Variants in LRP2 observed in about 807,000 individuals in gnomAD.
LRP2 encodes low-density lipoprotein receptor-related protein 2.
Under a neutral mutation model 531.0 loss-of-function variants are expected in LRP2, and 172 were observed. The observed-to-expected ratio is 0.32, with a 90% confidence interval of 0.29 to 0.37. The LOEUF is 0.37. LRP2 is among the 10% of genes least tolerant of loss of function. The pLI, the probability that LRP2 is intolerant of heterozygous loss-of-function variation, is 1.00. For missense variants in LRP2, 5,167 were observed against 5,868.3 expected (o/e 0.88, Z 3.90); for synonymous variants, 1,992 against 2,027.6 (o/e 0.98, Z 0.47).
intron 61 of LRP2, among the ~76,000 whole-genome samples, chr2:169,167,317 A>T (rs1686820932): frequency 6.6e-6 from 1 of 152,200 alleles, no homozygotes; most frequent in South Asian, 2.1e-4. Flanking sequence ...ACAAAATACT[A>T]AGATATATCA....
chr2:169,241,193 G>A lies in LRP2; in HGVS notation c.3840C>T (p.Asn1280=), dbSNP rs767886006. 2.7e-5 allele frequency: 44 copies of A among 1,614,022 alleles called. No homozygotes were observed. Among genetic ancestry groups the A allele is most frequent in the Admixed American group, 3.3e-5 (2 of 59,988 alleles). ...TCPSSYFHCD[N]GNCIHRAWLC... is the part of the protein sequence containing the mutation. ...GCCATGCCCTGTGGATGCAGTTTCC[G>A]TTGTCACAGTGGAAATATGATGAAG... Residue 1280 remains asparagine, a synonymous_variant, in exon 25 of 79, where the codon AAC becomes AAT. Coordinates refer to ENST00000649046, the MANE Select transcript of LRP2 (RefSeq NM_004525.3).
chr2:169,204,083 G>T lies in LRP2; in HGVS notation c.7904C>A (p.Ser2635Tyr). 1 of 1,614,152 alleles carries T rather than the reference G, an allele frequency of 6.2e-7. No homozygotes were observed. Among genetic ancestry groups the T allele is most frequent in the African/African-American group, 1.3e-5 (1 of 75,036 alleles). ...AACAGTGTTGATTCCCCTGGGCTGG[G>T]AGAGCAAATTTGTGGTCATTGCAAT... ...GQIAMTTNLL[S>Y]QPRGINTVVK... Residue 2635 changes from serine (S) to tyrosine (Y), a missense_variant, in exon 42 of 79, where the codon TCC becomes TAC. Coordinates refer to ENST00000649046, the MANE Select transcript of LRP2 (RefSeq NM_004525.3).
chr2:169,357,608 G>A (rs953936633), intron 1 of LRP2, among the ~76,000 whole-genome samples: 2 of 151,930 alleles, frequency 1.3e-5, no homozygotes, highest in Non-Finnish European at 2.9e-5. Flanking sequence ...GGGATTACAG[G>A]CATGAGCCCC....
chr2:169,138,557 C>A lies in LRP2; in HGVS notation c.13518+20G>T. 1 of 1,612,820 alleles carries A rather than the reference C, an allele frequency of 6.2e-7. No individual in the cohort carries two copies. The highest frequency in any genetic ancestry group is 1.1e-5 in the South Asian group (1 of 90,988). ...CTATAAATGACAACCTTCAAATAAT[C>A]ATTTTGAAACCATACTCACCATTGC... is the stretch of plus-strand genomic sequence containing the variant. On this transcript the variant is annotated intron_variant, in intron 75 of 78. Transcript: ENST00000649046.
chr2:169,128,767 T>C lies in LRP2; in HGVS notation c.13864A>G (p.Lys4622Glu). The C allele has an allele frequency of 6.2e-7, 1 of 1,614,158 alleles. No individual in the cohort carries two copies. Among genetic ancestry groups the C allele is most frequent in the Non-Finnish European group, 8.5e-7 (1 of 1,180,014 alleles). Residue 4622 changes from lysine to glutamate, a missense_variant, in exon 79 of 79, where the codon AAG (lysine) becomes GAG (glutamate). Physicochemically the swap from Lys to Glu is moderately conservative, Grantham distance 56. Around this residue, in one of 6 missense-constraint regions of LRP2, gnomAD observed 348 missense variants for 369.3 expected, o/e 0.94. Coordinates refer to ENST00000649046, the MANE Select transcript of LRP2 (RefSeq NM_004525.3). ...TPPPSPSLPA[K>E]PKPPSRRDPT... Reference sequence around the variant, plus strand: ...TCTCTTCTCGAAGGAGGCTTAGGCTTAGCAGGGAGCGAAGGTGATGGAGGT... The same window carrying C: ...TCTCTTCTCGAAGGAGGCTTAGGCTCAGCAGGGAGCGAAGGTGATGGAGGT...
At chr2:169,162,861 T>C (rs757361213) in intron 62 of LRP2, among the ~76,000 whole-genome samples, 4 of 152,204 alleles carry the variant, frequency 2.6e-5, no homozygotes, top group Admixed American at 6.5e-5. Context: ...TGCAGCAACC[T>C]TGGAAGCCAT....
chr2:169,185,037 A>G (rs911537457), intron 50 of LRP2, among the ~76,000 whole-genome samples: 4 of 152,130 alleles, frequency 2.6e-5, no homozygotes, highest in African/African-American at 9.7e-5. Flanking sequence ...CTGAGATTAC[A>G]GGCGTGAGCC....
chr2:169,354,173 A>G (rs777304174), intron 1 of LRP2, among the ~76,000 whole-genome samples: 2 of 152,222 alleles, frequency 1.3e-5, no homozygotes, highest in African/African-American at 2.4e-5. Context: ...CCAGCATAAC[A>G]GAAGTGTAGC....
intron 19 of LRP2, among the ~76,000 whole-genome samples, chr2:169,255,085 T>G (rs1690250287): frequency 6.6e-6 from 1 of 152,114 alleles, no homozygotes; most frequent in African/African-American, 2.4e-5. Flanking sequence ...TTATAGTGAG[T>G]GTCTAGTCTT....
At chr2:169,288,266 T>G (rs1574223143) in intron 9 of LRP2, among the ~76,000 whole-genome samples, 1 of 152,248 alleles carries the variant, frequency 6.6e-6, no homozygotes, top group East Asian at 1.9e-4. Flanking sequence ...AATTCTCCCA[T>G]CATAAGGCCC....
At position 169,235,850 on chromosome 2, in the gene LRP2, G is replaced by T; in HGVS notation, c.4910C>A (p.Ala1637Asp). The T allele has an allele frequency of 6.2e-7, 1 of 1,613,612 alleles. No individual in the cohort carries two copies. ...TCACCACCAACTTACCAAATCACTG[G>T]CTATCACCTGTCTCCGATGGTGTCC... is the stretch of plus-strand genomic sequence containing the variant. Reference protein sequence around the residue: ...YNGHHRRQVIASDLIIRHPYA... With the variant: ...YNGHHRRQVIDSDLIIRHPYA... The change falls in exon 29 of 79, where the codon GCC becomes GAC. Residue 1637 changes from alanine (A) to aspartate (D), a missense_variant. Physicochemically the swap from Ala to Asp is moderately radical, Grantham distance 126 (BLOSUM62 -2). Coordinates refer to ENST00000649046, the MANE Select transcript of LRP2 (RefSeq NM_004525.3).
intron 44 of LRP2, 24 bp downstream of exon 44, chr2:169,201,604 A>C: frequency 6.2e-7 from 1 of 1,614,130 alleles, no homozygotes; most frequent in Non-Finnish European, 8.5e-7. Context: ...CCAAAATCAC[A>C]ATAAGCACTT....
chr2:169,235,942 GTCAA>G lies in LRP2; in HGVS notation c.4814_4817del (p.Ile1605ThrfsTer30). Reference sequence around the variant, plus strand: ...TGAAGTAGAGCAGTCTGTTGGGGTAGTCAATAGTTAAGCCGCAGGGCCAGAAGAT... The same window carrying G: ...TGAAGTAGAGCAGTCTGTTGGGGTAGTAGTTAAGCCGCAGGGCCAGAAGAT... On this transcript the variant is annotated frameshift_variant, in exon 29 of 79. Transcript: ENST00000649046. LOFTEE classifies it high-confidence loss of function. The G allele has an allele frequency of 6.2e-7, 1 of 1,614,178 alleles. No individual in the cohort carries two copies. The highest frequency in any genetic ancestry group is 8.5e-7 in the Non-Finnish European group (1 of 1,180,024).
At chr2:169,247,094 A>C in intron 20 of LRP2, 108 bp from the exon 21 acceptor site, 1 of 1,308,312 alleles carries the variant, frequency 7.6e-7, no homozygotes, top group Non-Finnish European at 1.1e-6. Context: ...TTTCAGACCC[A>C]ATACTAAAAA....
chr2:169,306,234 C>T (rs1684414227), intron 4 of LRP2, among the ~76,000 whole-genome samples: 1 of 151,966 alleles, frequency 6.6e-6, no homozygotes, highest in Admixed American at 6.6e-5. Context: ...CTTGTAAGAA[C>T]TTTTCAGAGA....
In LRP2 at chr2:169,207,268, G is replaced by C. The variant is rs769916394; in HGVS notation, c.6470-18C>G. On this transcript the variant is annotated intron_variant, in intron 38 of 78. Coordinates refer to ENST00000649046, the MANE Select transcript of LRP2 (RefSeq NM_004525.3). Reference sequence around the variant, plus strand: ...AAGATTTCCTATGGGAAAAATGAAAGTGCATGCTGATCAATGGAGAACCAA... The same window carrying C: ...AAGATTTCCTATGGGAAAAATGAAACTGCATGCTGATCAATGGAGAACCAA... 1 of 1,573,400 alleles carries C rather than the reference G, an allele frequency of 6.4e-7. No individual in the cohort carries two copies. The highest frequency in any genetic ancestry group is 1.3e-5 in the African/African-American group (1 of 74,264).
intron 16 of LRP2, among the ~76,000 whole-genome samples, chr2:169,260,002 A>G (rs1358600366): frequency 6.6e-6 from 1 of 152,152 alleles, no homozygotes; most frequent in Admixed American, 6.6e-5. Flanking sequence ...ATCACAGCTT[A>G]GATTAAATGA....
Position 169,316,141 on chromosome 2 carries a change from C to CAAA in LRP2, c.310+2618_310+2620dup, listed in dbSNP as rs34270545. Among the ~76,000 whole-genome samples, 164 of 128,650 alleles carry CAAA rather than the reference C, an allele frequency of 1.3e-3. 1 individual carries two copies. The highest frequency in any genetic ancestry group is 6.9e-3 in the East Asian group (31 of 4,470). The allele number at this position is 128,650 out of a possible 152,430, so 84.4% of individuals were successfully genotyped here. ...TGGGCAACAGAGCAAGACCCTGTCTCAAAAAAAAAAAAAATCTGTCCTTGC... is the reference window on the plus strand; with the variant it reads ...TGGGCAACAGAGCAAGACCCTGTCTCAAAAAAAAAAAAAAAAATCTGTCCTTGC... On this transcript the variant is annotated intron_variant, in intron 3 of 78. Transcript: ENST00000649046.
intron 63 of LRP2, among the ~76,000 whole-genome samples, chr2:169,159,627 C>T (rs1241661872): frequency 3.9e-5 from 6 of 152,144 alleles, no homozygotes; most frequent in East Asian, 1.9e-4. Flanking sequence ...ATTCACTTCA[C>T]GTAAGTTGTT....
Sources: allele counts gnomAD v4.1 joint callset (sites outside exome capture counted in the v4.1 genomes callset), GRCh38; gene constraint gnomAD v4.1.1; regional missense constraint gnomAD v4.1.1; transcripts MANE v1.5; gene names NCBI Gene and HGNC (gene_info 2026-07-23, HGNC 2026-07-21).